Variants in PUDP observed in about 807,000 individuals in gnomAD.
PUDP encodes the protein pseudouridine 5'-phosphatase.
PUDP carries 8 observed loss-of-function variants against 9.4 expected under a neutral mutation model. The ratio of observed to expected loss-of-function variants is 0.85; its 90% CI spans 0.50 to 1.53. The LOEUF is 1.53. Among genes scored for constraint, PUDP ranks in the 40% most tolerant of loss-of-function variants. PUDP has a pLI of 0.00. For missense variants in PUDP, 188 were observed against 189.7 expected, an observed-to-expected ratio of 0.99 and a Z score of 0.05; for synonymous variants, 99 against 80.7, an observed-to-expected ratio of 1.23 and a Z score of -1.22.
In PUDP at chrX:7,074,656, C is replaced by T. The variant is rs1282054325; in HGVS notation, c.510+2564G>A. 6.2e-5 allele frequency among the ~76,000 whole-genome samples: 7 copies of T among 112,273 alleles called. No individual in the cohort carries two copies. The East Asian group carries it at 2.0e-3, about 31-fold the overall frequency. Reference sequence around the variant, plus strand: ...GTGAACAATAACTCAGGTTAAACAACAACAACAAAAATGGTGTTTCTGGGA... The same window carrying T: ...GTGAACAATAACTCAGGTTAAACAATAACAACAAAAATGGTGTTTCTGGGA... On this transcript the variant is annotated intron_variant, in intron 3 of 3. Coordinates refer to ENST00000381077, the MANE Select transcript of PUDP (RefSeq NM_012080.5).
intron 1 of PUDP, among the ~76,000 whole-genome samples, chrX:7,140,641 A>T (rs1212883948): frequency 8.9e-6 from 1 of 112,064 alleles, no homozygotes; most frequent in African/African-American, 3.2e-5. Flanking sequence ...TCTCTAATAT[A>T]TAGCTTTTCA....
chrX:7,077,383 C>G lies in PUDP; in HGVS notation c.347G>C (p.Gly116Ala). The G allele has an allele frequency of 8.3e-7, 1 of 1,210,865 alleles. No individual in the cohort carries two copies. The highest frequency in any genetic ancestry group is 2.2e-5 in the Admixed American group (1 of 45,961). The change falls in exon 3 of 4, where the codon GGG becomes GCG. Residue 116 changes from glycine (G) to alanine (A), a missense_variant. By Grantham distance (60) the Gly-to-Ala change is moderately conservative. Transcript: ENST00000381077. ...GIPFALATSSGSASFDMKTSR... is the reference protein window; with the variant it reads ...GIPFALATSSASASFDMKTSR... ...TGTCTTCATATCGAACGACGCGGAC[C>G]CCGAGCTGGTGGCCAGTGCAAAGGG...
intron 3 of PUDP, among the ~76,000 whole-genome samples, chrX:6,804,698 G>C (rs1448338751): frequency 9.0e-6 from 1 of 111,167 alleles, no homozygotes; most frequent in Admixed American, 9.6e-5. Flanking sequence ...AAGGATGCTT[G>C]GCCTCTGCAT....
Position 7,056,358 on chromosome X carries a change from G to A in PUDP, c.511-5886C>T, listed in dbSNP as rs1320580686. On this transcript the variant is annotated intron_variant, in intron 3 of 3. Transcript: ENST00000381077. ...CCGGAGAACTGGGGTTTGGTCCAGG[G>A]GATGGCGCTGCCACCTGCACATGCT... 5.4e-5 allele frequency among the ~76,000 whole-genome samples: 6 copies of A among 111,940 alleles called. No homozygotes were observed. In the East Asian group the frequency reaches 1.7e-3, roughly 32 times the overall value.
At chrX:6,981,111 A>G (rs1312966557) in intron 1 of PUDP, among the ~76,000 whole-genome samples, 2 of 112,159 alleles carry the variant, frequency 1.8e-5, no homozygotes, top group Non-Finnish European at 3.8e-5. Context: ...GCTGAGCTTC[A>G]GCATCAACTA....
intron 3 of PUDP, among the ~76,000 whole-genome samples, chrX:6,899,215 T>C (rs898316417): frequency 2.7e-5 from 3 of 112,904 alleles, no homozygotes; most frequent in South Asian, 3.6e-4. Flanking sequence ...GGGTTTGATC[T>C]CCAGCTCTTA....
intron 1 of PUDP, among the ~76,000 whole-genome samples, chrX:6,707,300 C>T (rs1254601524): frequency 1.8e-5 from 2 of 111,516 alleles, no homozygotes; most frequent in South Asian, 3.8e-4. Flanking sequence ...ACCTTTATGC[C>T]ACCAGAGACT....
intron 1 of PUDP, among the ~76,000 whole-genome samples, chrX:7,119,216 T>C (rs1301730550): frequency 8.9e-6 from 1 of 112,589 alleles, no homozygotes; most frequent in Non-Finnish European, 1.9e-5. Context: ...GATGAGAACA[T>C]CAAATGATGA....
chrX:7,007,506 T>C (rs867513253), intron 1 of PUDP, among the ~76,000 whole-genome samples: 1 of 111,977 alleles, frequency 8.9e-6, no homozygotes, highest in South Asian at 3.7e-4. Context: ...ACACACAGAG[T>C]GCATGACACA....
chrX:6,939,524 CATATTT>C (rs1928367760), intron 3 of PUDP, among the ~76,000 whole-genome samples: 1 of 109,142 alleles, frequency 9.2e-6, no homozygotes, highest in African/African-American at 3.3e-5. Context: ...ATAAAAAAGA[CATATTT>C]ATTATTACAA....
chrX:6,833,573 G>A (rs1040989387), intron 3 of PUDP, among the ~76,000 whole-genome samples: 1 of 111,521 alleles, frequency 9.0e-6, no homozygotes, highest in Non-Finnish European at 1.9e-5. Context: ...CTGAGTGGGT[G>A]AATGGATGAA....
chrX:6,865,988 G>A (rs149461661), intron 3 of PUDP, among the ~76,000 whole-genome samples: 2,232 of 111,518 alleles, frequency 0.02, 58 homozygotes, highest in African/African-American at 0.07. Flanking sequence ...TGGCACAGGC[G>A]TAGTTCACTG....
intron 3 of PUDP, among the ~76,000 whole-genome samples, chrX:6,845,465 T>C (rs1926732300): frequency 8.9e-6 from 1 of 111,985 alleles, no homozygotes. Context: ...ATTCCAAAAA[T>C]GGCAACTTTT....
At chrX:7,083,912 AAAG>A (rs1450024224) in intron 2 of PUDP, among the ~76,000 whole-genome samples, 4 of 111,445 alleles carry the variant, frequency 3.6e-5, no homozygotes, top group Non-Finnish European at 7.5e-5. Flanking sequence ...ACAAAAAAAA[AAAG>A]AAGGAAAAAA....
intron 1 of PUDP, among the ~76,000 whole-genome samples, chrX:7,015,276 T>G (rs1264690532): frequency 3.6e-5 from 4 of 111,901 alleles, no homozygotes; most frequent in Non-Finnish European, 7.5e-5. Flanking sequence ...ATGCCTAGGT[T>G]CAACAAAGTA....
intron 3 of PUDP, among the ~76,000 whole-genome samples, chrX:6,946,234 C>T (rs1233649727): frequency 8.9e-6 from 1 of 111,963 alleles, no homozygotes. Flanking sequence ...GCTAACATCA[C>T]CATTCCTTGT....
chrX:6,910,692 T>C (rs1368997121), intron 3 of PUDP, among the ~76,000 whole-genome samples: 1 of 112,121 alleles, frequency 8.9e-6, no homozygotes, highest in Non-Finnish European at 1.9e-5. Context: ...TAAAACTGTG[T>C]GAGCAAAGAA....
intron 3 of PUDP, among the ~76,000 whole-genome samples, chrX:6,736,073 C>T (rs1374466855): frequency 1.1e-4 from 12 of 108,995 alleles, no homozygotes; most frequent in Non-Finnish European, 1.9e-5. Context: ...AAAAAATCTA[C>T]TCCATTAAGG....
intron 3 of PUDP, among the ~76,000 whole-genome samples, chrX:6,750,271 A>C (rs1265678684): frequency 2.7e-5 from 3 of 112,070 alleles, no homozygotes; most frequent in African/African-American, 9.7e-5. Context: ...ATTGCAGCCC[A>C]CTGGAGTCTT....
Sources: allele counts gnomAD v4.1 joint callset (sites outside exome capture counted in the v4.1 genomes callset), GRCh38; gene constraint gnomAD v4.1.1; transcripts MANE v1.5; gene names NCBI Gene and HGNC (gene_info 2026-07-23, HGNC 2026-07-21).